The following LOXHD1 variants were observed in gnomAD, a reference collection of about 807,000 sequenced individuals.
LOXHD1 encodes the protein lipoxygenase homology domain-containing protein 1.
LOXHD1 carries 205 observed loss-of-function variants against 248.2 expected under a neutral mutation model. The ratio of observed to expected loss-of-function variants is 0.83; its 90% CI spans 0.74 to 0.93. LOXHD1 has a LOEUF of 0.93. Among genes scored for constraint, LOXHD1 ranks in the 40% least tolerant of loss-of-function variants. The pLI is 0.00. For missense variants in LOXHD1, 2,930 were observed against 2,971.6 expected (o/e 0.99, Z 0.33); for synonymous variants, 1,113 against 1,162.8 (o/e 0.96, Z 0.87).
chr18:46,503,467 G>A (rs1309019058), intron 37 of LOXHD1, among the ~76,000 whole-genome samples: 1 of 152,146 alleles, frequency 6.6e-6, no homozygotes, highest in Non-Finnish European at 1.5e-5. Context: ...GAGTGTCATG[G>A]GAAGATCTCA....
chr18:46,523,089 A>G (rs1302939363), intron 31 of LOXHD1, among the ~76,000 whole-genome samples: 1 of 152,088 alleles, frequency 6.6e-6, no homozygotes, highest in Non-Finnish European at 1.5e-5. Flanking sequence ...CTGGGATTAC[A>G]GGCATGCACC....
intron 19 of LOXHD1, 35 bp downstream of exon 19, chr18:46,560,048 T>TGGCGGG: frequency 2.3e-5 from 28 of 1,226,274 alleles, no homozygotes; most frequent in Non-Finnish European, 2.6e-5. Flanking sequence ...GTCTGGCCAC[T>TGGCGGG]CCCTCCCCAC....
Position 46,524,813 on chromosome 18 carries a change from C to T in LOXHD1, c.4635G>A (p.Val1545=), listed in dbSNP as rs531191015. The T allele has an allele frequency of 4.3e-4, 662 of 1,551,788 alleles. 6 individuals carry two copies. In the South Asian group the frequency reaches 7.3e-3, roughly 17 times the overall value. ...CCTCGTTGGTGTCATTCCAGATCTC[C>T]ACCTTCTCCACGTACCAGTCTGCGC... ...KWCADWYVEK[V]EIWNDTNEDE... Residue 1545 remains valine (V), a synonymous_variant, in exon 30 of 41, where the codon GTG becomes GTA. Transcript: ENST00000642948.
intron 17 of LOXHD1, among the ~76,000 whole-genome samples, chr18:46,564,437 CAG>C (rs753705432): frequency 1.2e-4 from 19 of 152,084 alleles, no homozygotes; most frequent in Non-Finnish European, 2.6e-4. Flanking sequence ...GAGGCTGAGG[CAG>C]GGGGATCGCT....
intron 3 of LOXHD1, 32 bp downstream of exon 3, chr18:46,641,924 C>G: frequency 6.5e-7 from 1 of 1,540,940 alleles, no homozygotes; most frequent in Non-Finnish European, 8.8e-7. Flanking sequence ...TTCATCTCCA[C>G]CCTCAATCCT....
At chr18:46,567,736 G>C (rs1488807599) in intron 16 of LOXHD1, among the ~76,000 whole-genome samples, 1 of 152,192 alleles carries the variant, frequency 6.6e-6, no homozygotes, top group African/African-American at 2.4e-5. Flanking sequence ...AACCCCATTA[G>C]TATCTCATGT....
chr18:46,613,777 G>C (rs1893417677), intron 5 of LOXHD1, among the ~76,000 whole-genome samples: 1 of 152,016 alleles, frequency 6.6e-6, no homozygotes, highest in Admixed American at 6.6e-5. Context: ...AAATTTTCCT[G>C]CATCTATCAA....
intron 37 of LOXHD1, among the ~76,000 whole-genome samples, chr18:46,502,727 T>G (rs1315727681): frequency 6.6e-6 from 1 of 152,190 alleles, no homozygotes; most frequent in East Asian, 1.9e-4. Flanking sequence ...GGCTATATTC[T>G]CCACTCTCAC....
chr18:46,518,928 T>C, intron 33 of LOXHD1: 1 of 985,518 alleles, frequency 1.0e-6, no homozygotes, highest in Non-Finnish European at 1.2e-6. Flanking sequence ...ATCCCCTAGT[T>C]CCATGATGTT....
chr18:46,541,605 C>T (rs1332440029), intron 25 of LOXHD1, among the ~76,000 whole-genome samples, 171 bp downstream of exon 25: 3 of 152,182 alleles, frequency 2.0e-5, no homozygotes, highest in African/African-American at 7.2e-5. Context: ...GGGTCCAGAA[C>T]TCTGCCCACA....
chr18:46,531,846 A>G (rs2036087178), intron 28 of LOXHD1, among the ~76,000 whole-genome samples: 1 of 152,192 alleles, frequency 6.6e-6, no homozygotes, highest in East Asian at 1.9e-4. Context: ...CCAAGTTGAG[A>G]AGGAAGTTAT....
At chr18:46,556,964 C>T (rs1233262527) in intron 21 of LOXHD1, among the ~76,000 whole-genome samples, 1 of 151,128 alleles carries the variant, frequency 6.6e-6, no homozygotes, top group African/African-American at 2.4e-5. Flanking sequence ...CACCAGCCCA[C>T]CCTCACCCTC....
At chr18:46,535,888 G>A (rs535247175) in intron 26 of LOXHD1, among the ~76,000 whole-genome samples, 41 of 152,210 alleles carry the variant, frequency 2.7e-4, no homozygotes, top group Admixed American at 9.2e-4. Context: ...CAGTTCTAAC[G>A]CCTCAGAGAG....
intron 14 of LOXHD1, among the ~76,000 whole-genome samples, chr18:46,573,017 C>T (rs367865183): frequency 1.4e-3 from 134 of 96,896 alleles, no homozygotes; most frequent in Admixed American, 2.6e-3. Context: ...GGTGAGACTC[C>T]GTCTCAAAAA....
intron 4 of LOXHD1, 127 bp downstream of exon 4, chr18:46,639,489 G>A (rs371543268): frequency 1.7e-6 from 2 of 1,151,784 alleles, no homozygotes; most frequent in East Asian, 2.6e-5. Context: ...TAACCAACAG[G>A]AAGGCCCTGG....
intron 1 of LOXHD1, 146 bp from the exon 2 acceptor site, chr18:46,649,415 T>C (rs935675825): frequency 1.6e-6 from 1 of 644,652 alleles, no homozygotes. Flanking sequence ...CTCTGAGCCA[T>C]GGTGAGACCC....
Position 46,522,225 on chromosome 18 carries a change from TC to T in LOXHD1, c.4960del (p.Glu1654ArgfsTer41). ...GATGCGCTTACTACGTTCATCATCC[TC>T]CCCGATGAGAAAGATGAAGGCTCGG... ...DSRAFIFLIG[E>X]DDERSKRIWL... On this transcript the variant is annotated frameshift_variant, in exon 32 of 41. Transcript: ENST00000642948. LOFTEE classifies it high-confidence loss of function. 1 of 1,551,786 alleles carries T rather than the reference TC, an allele frequency of 6.4e-7. No individual in the cohort carries two copies. Among genetic ancestry groups the T allele is most frequent in the Non-Finnish European group, 8.7e-7 (1 of 1,146,996 alleles).
At chr18:46,505,438 C>A (rs937411822) in intron 37 of LOXHD1, among the ~76,000 whole-genome samples, 17 of 152,296 alleles carry the variant, frequency 1.1e-4, no homozygotes, top group African/African-American at 3.4e-4. Context: ...TCACCTTGGC[C>A]TCCCAAAGTT....
At chr18:46,560,048 T>TGCCGCCCCCCC in intron 19 of LOXHD1, 35 bp downstream of exon 19, 3 of 1,226,298 alleles carry the variant, frequency 2.4e-6, no homozygotes, top group Non-Finnish European at 3.4e-6. Context: ...GTCTGGCCAC[T>TGCCGCCCCCCC]CCCTCCCCAC....
Sources: gnomAD v4.1 joint callset for allele counts (sites outside exome capture counted in the v4.1 genomes callset) on GRCh38, gnomAD v4.1.1 for gene constraint, MANE v1.5 for transcripts, NCBI Gene and HGNC (gene_info 2026-07-23, HGNC 2026-07-21) for gene names.